CNTNAP2: variants seen among roughly 807,000 people sequenced by gnomAD.
CNTNAP2 encodes contactin associated protein 2.
Under a neutral mutation model 155.2 loss-of-function variants are expected in CNTNAP2, and 98 were observed. That is an observed-to-expected ratio of 0.63 (90% CI 0.54 to 0.75). The LOEUF (loss-of-function observed/expected upper bound fraction) is 0.75, where lower values mean the gene tolerates loss of function less well. CNTNAP2 is among the 30% of genes least tolerant of loss of function. The probability of loss-of-function intolerance (pLI) is 0.00; values close to 1 mark genes in which losing one functional copy is unlikely to be tolerated. For synonymous variants in CNTNAP2, 651 were observed against 631.2 expected, an observed-to-expected ratio of 1.03 and a Z score of -0.47; for missense variants, 1,727 against 1,688.1, an observed-to-expected ratio of 1.02 and a Z score of -0.40.
intron 1 of CNTNAP2, among the ~76,000 whole-genome samples, chr7:146,489,666 G>A (rs367975199): frequency 2.0e-5 from 3 of 152,206 alleles, no homozygotes; most frequent in African/African-American, 2.4e-5. Flanking sequence ...CATGTTCGGC[G>A]ATTCCCAAGC....
intron 8 of CNTNAP2, among the ~76,000 whole-genome samples, chr7:147,238,349 CTAT>C (rs1369321354): frequency 6.6e-6 from 1 of 152,006 alleles, no homozygotes; most frequent in Admixed American, 6.6e-5. Context: ...GGGTCTACTA[CTAT>C]GATTGTCACG....
At chr7:148,127,038 C>T (rs1161698440) in intron 16 of CNTNAP2, among the ~76,000 whole-genome samples, 1 of 152,190 alleles carries the variant, frequency 6.6e-6, no homozygotes, top group Non-Finnish European at 1.5e-5. Flanking sequence ...GGCACGGTGG[C>T]TCATGCCTAT....
At position 148,100,416 on chromosome 7, in the gene CNTNAP2, T is replaced by C. The variant is rs10234506; in HGVS notation, c.2384-17702T>C. Among the ~76,000 whole-genome samples, 1,200 of 152,340 alleles carry C rather than the reference T, an allele frequency of 7.9e-3. 15 individuals carry two copies. The highest frequency in any genetic ancestry group is 0.027 in the African/African-American group (1,131 of 41,568). On this transcript the variant is annotated intron_variant, in intron 15 of 23. Transcript: ENST00000361727. ...TTAAGCAAATACACACACATACAGATGCATGTATGCATATGCGTGTATGTG... is the reference window on the plus strand; with the variant it reads ...TTAAGCAAATACACACACATACAGACGCATGTATGCATATGCGTGTATGTG...
At chr7:147,258,300 G>A (rs1804376060) in intron 8 of CNTNAP2, among the ~76,000 whole-genome samples, 1 of 152,128 alleles carries the variant, frequency 6.6e-6, no homozygotes, top group Non-Finnish European at 1.5e-5. Context: ...TTGGTGATCA[G>A]ATCAGAGTAA....
rs531890790 is a variant in CNTNAP2 at position 146,603,361 on chromosome 7, G to C, written c.98-170910G>C. The stretch of plus-strand genomic sequence containing the variant: ...CAGGAGGCGGAACTTGCAGTGAGCC[G>C]AGACCGCGCCACTGCACTCCAGCCT... On this transcript the variant is annotated intron_variant, in intron 1 of 23. Coordinates refer to ENST00000361727, the MANE Select transcript of CNTNAP2 (RefSeq NM_014141.6). 2.0e-5 allele frequency among the ~76,000 whole-genome samples: 3 copies of C among 150,388 alleles called. 1 individual carries two copies. Among genetic ancestry groups the C allele is most frequent in the Non-Finnish European group, 3.0e-5 (2 of 67,670 alleles).
chr7:147,404,896 A>G (rs1411788009), intron 10 of CNTNAP2, among the ~76,000 whole-genome samples: 1 of 152,202 alleles, frequency 6.6e-6, no homozygotes, highest in Non-Finnish European at 1.5e-5. Flanking sequence ...AGAGTGACAA[A>G]AACATATTCT....
intron 2 of CNTNAP2, among the ~76,000 whole-genome samples, chr7:146,797,773 C>T (rs1802797613): frequency 6.6e-6 from 1 of 152,146 alleles, no homozygotes; most frequent in Non-Finnish European, 1.5e-5. Flanking sequence ...CTGGCAGCTG[C>T]AGCATTCAAA....
intron 8 of CNTNAP2, among the ~76,000 whole-genome samples, chr7:147,165,508 T>C (rs1802098911): frequency 1.3e-5 from 2 of 152,206 alleles, no homozygotes; most frequent in African/African-American, 4.8e-5. Flanking sequence ...CATCTATTTA[T>C]CTTTGTTTCT....
intron 13 of CNTNAP2, among the ~76,000 whole-genome samples, chr7:147,659,482 G>A (rs1382426047): frequency 2.0e-5 from 3 of 152,146 alleles, no homozygotes; most frequent in Non-Finnish European, 4.4e-5. Flanking sequence ...TACCAACATA[G>A]AGGAAACCAC....
chr7:146,221,180 T>C (rs1160182739), intron 1 of CNTNAP2, among the ~76,000 whole-genome samples: 5 of 152,148 alleles, frequency 3.3e-5, no homozygotes, highest in Admixed American at 2.0e-4. Context: ...CTTTTGTAAC[T>C]TTTTTCTTTC....
intron 16 of CNTNAP2, among the ~76,000 whole-genome samples, chr7:148,120,455 C>T (rs750334972): frequency 7.2e-5 from 11 of 151,788 alleles, no homozygotes; most frequent in African/African-American, 1.2e-4. Flanking sequence ...TTTGTCACTG[C>T]GGGATCTCGC....
intron 8 of CNTNAP2, among the ~76,000 whole-genome samples, chr7:147,288,074 A>G (rs1419849097): frequency 3.9e-5 from 6 of 152,042 alleles, no homozygotes; most frequent in Non-Finnish European, 7.4e-5. Flanking sequence ...CCAATACACC[A>G]AGCATATTTT....
intron 11 of CNTNAP2, among the ~76,000 whole-genome samples, chr7:147,528,518 GACACACATGC>G (rs1297724410): frequency 6.6e-6 from 1 of 152,112 alleles, no homozygotes; most frequent in Middle Eastern, 3.2e-3. Context: ...AACACTCACA[GACACACATGC>G]ACACACATAC....
At chr7:146,753,975 A>G (rs1488508342) in intron 1 of CNTNAP2, among the ~76,000 whole-genome samples, 1 of 152,038 alleles carries the variant, frequency 6.6e-6, no homozygotes, top group East Asian at 1.9e-4. Context: ...AGCTATTTCT[A>G]CATCTATTTT....
rs74628425 is a variant in CNTNAP2, at chr7:148,355,647, G to C, written c.3476-28002G>C. On this transcript the variant is annotated intron_variant, in intron 21 of 23. Coordinates refer to ENST00000361727, the MANE Select transcript of CNTNAP2 (RefSeq NM_014141.6). ...GCGTTCCCATAAGTGAGCACCAACAGTACGCAGCGGCTGACACGTGTGAAT... is the reference window on the plus strand; with the variant it reads ...GCGTTCCCATAAGTGAGCACCAACACTACGCAGCGGCTGACACGTGTGAAT... Among the ~76,000 whole-genome samples the C allele has an allele frequency of 6.8e-3, 1,039 of 152,288 alleles. 4 individuals are homozygous for C. The highest frequency in any genetic ancestry group is 0.02 in the Middle Eastern group (6 of 294).
intron 1 of CNTNAP2, among the ~76,000 whole-genome samples, chr7:146,121,901 T>A (rs1361216607): frequency 6.6e-6 from 1 of 152,200 alleles, no homozygotes; most frequent in African/African-American, 2.4e-5. Flanking sequence ...AATGAAAGCC[T>A]TGAAAATAAT....
chr7:147,731,621 A>G (rs1608795), intron 13 of CNTNAP2, among the ~76,000 whole-genome samples: 1 of 152,098 alleles, frequency 6.6e-6, no homozygotes, highest in African/African-American at 2.4e-5. Flanking sequence ...GTCTATTCTG[A>G]AGCCTGTGAA....
At chr7:147,576,168 T>C (rs969614640) in intron 12 of CNTNAP2, among the ~76,000 whole-genome samples, 4 of 152,072 alleles carry the variant, frequency 2.6e-5, no homozygotes, top group South Asian at 4.1e-4. Context: ...TCAAGGGCCA[T>C]GTCTGTCTTG....
chr7:146,361,720 T>C (rs753160468), intron 1 of CNTNAP2, among the ~76,000 whole-genome samples: 2 of 152,200 alleles, frequency 1.3e-5, no homozygotes, highest in African/African-American at 2.4e-5. Context: ...TTTCATCTGA[T>C]TGGCAAGCTA....
Sources: allele counts gnomAD v4.1 joint callset (sites outside exome capture counted in the v4.1 genomes callset), GRCh38; gene constraint gnomAD v4.1.1; transcripts MANE v1.5; gene names NCBI Gene and HGNC (gene_info 2026-07-23, HGNC 2026-07-21).